SOS1: variants seen among roughly 807,000 people sequenced by gnomAD.
The protein encoded by SOS1 is SOS Ras/Rac guanine nucleotide exchange factor 1.
SOS1 carries 25 observed loss-of-function variants against 157.6 expected under a neutral mutation model. The ratio of observed to expected loss-of-function variants is 0.16; its 90% CI spans 0.12 to 0.22. The LOEUF (loss-of-function observed/expected upper bound fraction) is 0.22, where lower values mean the gene tolerates loss of function less well. Ranked by LOEUF, SOS1 falls within the 10% of genes least tolerant of loss-of-function variation. SOS1 has a pLI of 1.00. For synonymous variants in SOS1, 528 were observed against 534.0 expected, an observed-to-expected ratio of 0.99 and a Z score of 0.16; for missense variants, 1,237 against 1,599.1, an observed-to-expected ratio of 0.77 and a Z score of 3.86.
At chr2:39,115,193 T>TAC (rs1337354528) in intron 1 of SOS1, among the ~76,000 whole-genome samples, 1 of 152,122 alleles carries the variant, frequency 6.6e-6, no homozygotes, top group African/African-American at 2.4e-5. Flanking sequence ...TCAGGATATG[T>TAC]ACACACCCCT....
chr2:39,014,111 T>C (rs987819371), intron 11 of SOS1, 122 bp from the exon 12 acceptor site: 1 of 688,374 alleles, frequency 1.5e-6, no homozygotes, highest in Non-Finnish European at 2.5e-6. Flanking sequence ...TTACTGAAGA[T>C]ATGCATATCA....
chr2:39,086,231 T>C (rs917064870), intron 1 of SOS1, among the ~76,000 whole-genome samples: 1 of 152,110 alleles, frequency 6.6e-6, no homozygotes, highest in Non-Finnish European at 1.5e-5. Context: ...AGGTGAAAAG[T>C]ATATTGGTGA....
At chr2:39,042,798 T>C (rs1670620904) in intron 6 of SOS1, among the ~76,000 whole-genome samples, 1 of 151,852 alleles carries the variant, frequency 6.6e-6, no homozygotes, top group African/African-American at 2.4e-5. Flanking sequence ...CTTATTTCTA[T>C]AGTGAATGCA....
Position 39,120,347 on chromosome 2 carries a change from C to A in SOS1, c.76G>T (p.Ala26Ser), listed in dbSNP as rs1303622703. The A allele has an allele frequency of 2.5e-6, 4 of 1,589,208 alleles. No individual in the cohort carries two copies. Among genetic ancestry groups the A allele is most frequent in the African/African-American group, 1.4e-5 (1 of 73,180 alleles). ...CGCGTGCTCCTCACCTTTTTCAGCG[C>A]AGGCACCAGTAGTCCCCGCCACTTG... ...APKWRGLLVP[A>S]LKKVQGQVHP... Residue 26 changes from alanine to serine, a missense_variant, in exon 1 of 23, where the codon GCG (alanine) becomes TCG (serine). Around this residue, in one of 15 missense-constraint regions of SOS1, gnomAD observed 99 missense variants for 81.6 expected, o/e 1.21. Transcript: ENST00000402219.
rs1267319635 is a variant in SOS1, at chr2:38,986,014, C to G, written c.3812G>C (p.Arg1271Thr). ...TGTCAATGGTGGTGATGGCAGATGC[C>G]TTCTTGTGCCGTGAGGAGAAGGTGT... Reference protein sequence around the residue: ...PQTPSPHGTRRHLPSPPLTQE... With the variant: ...PQTPSPHGTRTHLPSPPLTQE... Residue 1271 changes from arginine to threonine, a missense_variant, in exon 23 of 23, where the codon AGG becomes ACG. Around this residue, in one of 15 missense-constraint regions of SOS1, gnomAD observed 306 missense variants for 322.6 expected, o/e 0.95. Coordinates refer to ENST00000402219, the MANE Select transcript of SOS1 (RefSeq NM_005633.4). 1 of 1,613,800 alleles carries G rather than the reference C, an allele frequency of 6.2e-7. No individual in the cohort carries two copies. The highest frequency in any genetic ancestry group is 8.5e-7 in the Non-Finnish European group (1 of 1,179,890).
chr2:38,985,952 C>T lies in SOS1; in HGVS notation c.3874G>A (p.Val1292Ile), dbSNP rs2124454334. ...VDLHSIAGPP[V>I]PPRQSTSQHI... ...TGAGAAGTGCTTTGTCGTGGAGGAA[C>T]AGGCGGCCCAGCAATGGAATGAAGG... The change falls in exon 23 of 23, where the codon GTT becomes ATT. Residue 1292 changes from valine to isoleucine, a missense_variant. By Grantham distance (29) the Val-to-Ile change is conservative. This residue lies in a region of SOS1 where 306 missense variants were observed against 322.6 expected (regional missense o/e 0.95). Transcript: ENST00000402219. 1 of 1,613,928 alleles carries T rather than the reference C, an allele frequency of 6.2e-7. No individual in the cohort carries two copies. The highest frequency in any genetic ancestry group is 8.5e-7 in the Non-Finnish European group (1 of 1,179,884).
chr2:39,078,452 T>C lies in SOS1; in HGVS notation c.88-10699A>G, dbSNP rs979151247. ...AGCAATTCTACTTCTAAGTACATTA[T>C]TGGAGGAGTCCCCAACACCTGGCTG... On this transcript the variant is annotated intron_variant, in intron 1 of 22. Coordinates refer to ENST00000402219, the MANE Select transcript of SOS1 (RefSeq NM_005633.4). 2.6e-5 allele frequency among the ~76,000 whole-genome samples: 4 copies of C among 152,144 alleles called. No homozygotes were observed. In the South Asian group the frequency reaches 6.2e-4, roughly 24 times the overall value.
chr2:39,113,623 T>G (rs530534338), intron 1 of SOS1, among the ~76,000 whole-genome samples: 1 of 152,182 alleles, frequency 6.6e-6, no homozygotes, highest in Non-Finnish European at 1.5e-5. Flanking sequence ...CAAACCTTGA[T>G]TTTCTCTCCT....
At chr2:39,003,705 C>T (rs13024751) in intron 17 of SOS1, among the ~76,000 whole-genome samples, 24,626 of 150,588 alleles carry the variant, frequency 0.16, 2,546 homozygotes, top group Non-Finnish European at 0.22. Flanking sequence ...TTGGGGGCAT[C>T]CCCCCCCACT....
At chr2:39,042,712 A>ATTTTT (rs200188697) in intron 6 of SOS1, among the ~76,000 whole-genome samples, 3 of 132,636 alleles carry the variant, frequency 2.3e-5, no homozygotes, top group African/African-American at 8.2e-5. Flanking sequence ...TAATTTTATG[A>ATTTTT]TTTTTTTTTT....
chr2:38,988,855 A>G (rs979735079), intron 21 of SOS1, among the ~76,000 whole-genome samples: 2 of 152,066 alleles, frequency 1.3e-5, no homozygotes, highest in African/African-American at 4.8e-5. Flanking sequence ...AGTTGTCTAT[A>G]ATCTATCCTG....
At position 39,024,278 on chromosome 2, in the gene SOS1, A is replaced by G. The variant is rs141953964; in HGVS notation, c.1075-141T>C. The stretch of plus-strand genomic sequence containing the variant: ...TGTGTCATCAAATATTCTTTTTAAA[A>G]GTGTTTTTCTTGTGTGTTACTATTA... On this transcript the variant is annotated intron_variant, in intron 8 of 22. Coordinates refer to ENST00000402219, the MANE Select transcript of SOS1 (RefSeq NM_005633.4). 521 of 745,666 alleles carry G rather than the reference A, an allele frequency of 7.0e-4. 4 individuals are homozygous for G. The African/African-American group carries it at 8.3e-3, about 12-fold the overall frequency. 46.2% of individuals were successfully genotyped at this position (745,666 alleles called of 1,614,324 possible). A position where few individuals can be genotyped will look rare whatever the true frequency, so the allele number is the denominator to read the frequency against.
In SOS1 at chr2:39,116,437, G is replaced by A. The variant is rs552689383; in HGVS notation, c.87+3899C>T. Reference sequence around the variant, plus strand: ...GTTCAAATGCACCCTTAGTTCAAATGTGTATTATCTCTTGACTGGACTATT... The same window carrying A: ...GTTCAAATGCACCCTTAGTTCAAATATGTATTATCTCTTGACTGGACTATT... On this transcript the variant is annotated intron_variant, in intron 1 of 22. Transcript: ENST00000402219. 3.4e-4 allele frequency among the ~76,000 whole-genome samples: 52 copies of A among 152,252 alleles called. 1 individual carries two copies. The South Asian group carries it at 0.011, about 32-fold the overall frequency.
intron 1 of SOS1, among the ~76,000 whole-genome samples, chr2:39,110,547 A>C (rs939951052): frequency 6.6e-5 from 10 of 151,080 alleles, no homozygotes; most frequent in Non-Finnish European, 1.5e-4. Context: ...TGCAAGGAGC[A>C]ATAAAAAAAA....
chr2:38,995,047 A>G (rs1478617573), intron 20 of SOS1, 76 bp downstream of exon 20: 1 of 1,270,188 alleles, frequency 7.9e-7, no homozygotes, highest in Non-Finnish European at 1.1e-6. Flanking sequence ...ACAAAAAAAT[A>G]ACAGAGATTC....
chr2:38,984,061 T>C lies in SOS1; in HGVS notation c.*1763A>G, dbSNP rs187190953. On this transcript the variant is annotated 3_prime_UTR_variant, in exon 23 of 23. Transcript: ENST00000402219. ...ACATACTGTACTATCGTGATGTACA[T>C]TTTATGCTCTAATAAATATCATAGG... The C allele has an allele frequency of 3.9e-5, 6 of 152,268 alleles. No homozygotes were observed. The East Asian group carries it at 5.8e-4, about 15-fold the overall frequency. 9.4% of individuals were successfully genotyped at this position (152,268 alleles called of 1,614,324 possible).
At chr2:39,123,859 A>G (rs781438275), upstream of SOS1, among the ~76,000 whole-genome samples, 1 of 152,042 alleles carries the variant, frequency 6.6e-6, no homozygotes, top group Non-Finnish European at 1.5e-5. Context: ...GCGTACATTC[A>G]CTCACTCGGG....
At chr2:39,045,086 T>C (rs969029801) in intron 6 of SOS1, among the ~76,000 whole-genome samples, 2 of 152,208 alleles carry the variant, frequency 1.3e-5, no homozygotes, top group Non-Finnish European at 2.9e-5. Context: ...TGTACCCTGA[T>C]GTAATGTATT....
At chr2:39,041,070 T>C (rs1670553244) in intron 6 of SOS1, among the ~76,000 whole-genome samples, 1 of 152,194 alleles carries the variant, frequency 6.6e-6, no homozygotes, top group Admixed American at 6.5e-5. Flanking sequence ...TAATGTTTTT[T>C]CTTTTAGAGA....
Sources: allele counts gnomAD v4.1 joint callset (sites outside exome capture counted in the v4.1 genomes callset), GRCh38; gene constraint gnomAD v4.1.1; regional missense constraint gnomAD v4.1.1; transcripts MANE v1.5; gene names NCBI Gene and HGNC (gene_info 2026-07-23, HGNC 2026-07-21).